Variants in HERC6 observed in about 807,000 individuals in gnomAD.
HERC6 encodes HECT and RLD domain containing E3 ubiquitin protein ligase family member 6, also known as probable E3 ubiquitin-protein ligase HERC6.
HERC6 carries 101 observed loss-of-function variants against 114.5 expected under a neutral mutation model. The ratio of observed to expected loss-of-function variants is 0.88; its 90% CI spans 0.75 to 1.04. HERC6 has a LOEUF of 1.04. HERC6 is among the 50% of genes least tolerant of loss of function. The pLI, the probability that HERC6 is intolerant of heterozygous loss-of-function variation, is 0.00. For missense variants in HERC6, 1,133 were observed against 1,230.9 expected (o/e 0.92, Z 1.19); for synonymous variants, 408 against 436.2 (o/e 0.94, Z 0.81).
chr4:88,435,833 C>T lies in HERC6; in HGVS notation c.2359C>T (p.Leu787Phe). 1 of 1,611,860 alleles carries T rather than the reference C, an allele frequency of 6.2e-7. No individual in the cohort carries two copies. Among genetic ancestry groups the T allele is most frequent in the Non-Finnish European group, 8.5e-7 (1 of 1,178,936 alleles). Residue 787 changes from leucine to phenylalanine, a missense_variant, in exon 18 of 23, where the codon CTT becomes TTT. Coordinates refer to ENST00000264346, the MANE Select transcript of HERC6 (RefSeq NM_017912.4). ...LPFPLALYKK[L>F]LDQKPSLEDL... ...TTTCCCACTGGCTCTGTATAAAAAA[C>T]TTCTGGACCAAAAGCCATCATTGGA... is the stretch of plus-strand genomic sequence containing the variant.
At chr4:88,387,238 A>G (rs1050893330) in intron 3 of HERC6, among the ~76,000 whole-genome samples, 3 of 152,148 alleles carry the variant, frequency 2.0e-5, no homozygotes, top group Non-Finnish European at 4.4e-5. Context: ...CTCTACAAAA[A>G]TTTGAAAAAT....
At position 88,417,053 on chromosome 4, in the gene HERC6, G is replaced by T. The variant is rs572717177; in HGVS notation, c.1559-372G>T. Among the ~76,000 whole-genome samples the T allele has an allele frequency of 5.3e-5, 8 of 152,096 alleles. No homozygotes were observed. In the South Asian group the frequency reaches 1.2e-3, roughly 24 times the overall value. On this transcript the variant is annotated intron_variant, in intron 12 of 22. Transcript: ENST00000264346. Reference sequence around the variant, plus strand: ...TTTTCATTTTTTACAGATTAAAAACGTCCTTGATGCCATTGTATGTGTTTG... The same window carrying T: ...TTTTCATTTTTTACAGATTAAAAACTTCCTTGATGCCATTGTATGTGTTTG...
At chr4:88,404,218 G>GT (rs1337420812) in intron 8 of HERC6, among the ~76,000 whole-genome samples, 3 of 146,888 alleles carry the variant, frequency 2.0e-5, no homozygotes, top group African/African-American at 7.5e-5. Flanking sequence ...TTGAGATGGA[G>GT]TTTCGCTCTT....
chr4:88,418,717 A>AT (rs1031793600), intron 13 of HERC6, among the ~76,000 whole-genome samples: 16 of 151,964 alleles, frequency 1.1e-4, no homozygotes, highest in African/African-American at 2.9e-4. Context: ...CACATGTGTG[A>AT]TTTTTTTGTT....
At chr4:88,429,183 T>G (rs1737940206) in intron 16 of HERC6, among the ~76,000 whole-genome samples, 1 of 152,198 alleles carries the variant, frequency 6.6e-6, no homozygotes, top group South Asian at 2.1e-4. Context: ...CCTATGTCTT[T>G]CATTCTCCTC....
At chr4:88,392,821 C>T (rs1343676326) in intron 4 of HERC6, among the ~76,000 whole-genome samples, 1 of 152,240 alleles carries the variant, frequency 6.6e-6, no homozygotes, top group Non-Finnish European at 1.5e-5. Flanking sequence ...TGAAGACGCT[C>T]TTCTAGCAAT....
At chr4:88,384,049 T>G (rs181923026) in intron 2 of HERC6, among the ~76,000 whole-genome samples, 13 of 152,182 alleles carry the variant, frequency 8.5e-5, no homozygotes, top group African/African-American at 3.1e-4. Flanking sequence ...TGAACTTCCT[T>G]TATCATACTA....
At chr4:88,397,034 G>C (rs1192038665) in intron 7 of HERC6, 47 bp downstream of exon 7, 21 of 1,559,978 alleles carry the variant, frequency 1.3e-5, no homozygotes, top group Non-Finnish European at 1.7e-5. Flanking sequence ...AATGCCACTG[G>C]AAGAGAACTA....
chr4:88,394,096 G>A (rs1735071160), intron 5 of HERC6, among the ~76,000 whole-genome samples: 1 of 152,194 alleles, frequency 6.6e-6, no homozygotes, highest in Admixed American at 6.5e-5. Context: ...AAGAGGAGAT[G>A]TGAACCAAAC....
chr4:88,379,473 G>T (rs1734046509), intron 1 of HERC6, among the ~76,000 whole-genome samples: 1 of 151,422 alleles, frequency 6.6e-6, no homozygotes, highest in Non-Finnish European at 1.5e-5. Flanking sequence ...GGTCAGCGCT[G>T]CTCTGGAAAG....
Position 88,435,901 on chromosome 4 carries a change from T to C in HERC6, c.2417+10T>C. On this transcript the variant is annotated intron_variant, in intron 18 of 22. Transcript: ENST00000264346. ...GTCCTCGGTTGGGGAAGTAAGTAAATATAACGTTTTTTCAGGACCGTATCT... is the reference window on the plus strand; with the variant it reads ...GTCCTCGGTTGGGGAAGTAAGTAAACATAACGTTTTTTCAGGACCGTATCT... 2 of 1,594,326 alleles carry C rather than the reference T, an allele frequency of 1.3e-6. No individual in the cohort carries two copies. Among genetic ancestry groups the C allele is most frequent in the Admixed American group, 1.8e-5 (1 of 55,998 alleles).
chr4:88,420,326 GTTAAAC>G (rs1173841196), intron 13 of HERC6, among the ~76,000 whole-genome samples: 3 of 152,052 alleles, frequency 2.0e-5, no homozygotes, highest in African/African-American at 7.2e-5. Context: ...CAGTGTTATT[GTTAAAC>G]TTAAATATTA....
At chr4:88,428,269 T>C (rs1737830649) in intron 15 of HERC6, among the ~76,000 whole-genome samples, 1 of 152,222 alleles carries the variant, frequency 6.6e-6, no homozygotes, top group Non-Finnish European at 1.5e-5. Flanking sequence ...AATACCAGTA[T>C]GGCCTTTAAG....
chr4:88,437,085 C>A (rs1738835916), intron 19 of HERC6, 114 bp downstream of exon 19: 1 of 677,420 alleles, frequency 1.5e-6, no homozygotes, highest in Non-Finnish European at 2.4e-6. Context: ...GAGGCAGAGT[C>A]TCACTCTGTC....
At chr4:88,406,445 CT>C (rs1735819022) in intron 10 of HERC6, among the ~76,000 whole-genome samples, 1 of 152,206 alleles carries the variant, frequency 6.6e-6, no homozygotes, top group African/African-American at 2.4e-5. Flanking sequence ...CTTAACCCAG[CT>C]GCATTCTCAG....
intron 11 of HERC6, among the ~76,000 whole-genome samples, chr4:88,410,702 G>A (rs997261770): frequency 1.3e-5 from 2 of 152,136 alleles, no homozygotes; most frequent in African/African-American, 2.4e-5. Context: ...AGTTTTGTAC[G>A]CTTGCATGTG....
chr4:88,438,892 G>A (rs572739195), intron 20 of HERC6, among the ~76,000 whole-genome samples: 1 of 152,314 alleles, frequency 6.6e-6, no homozygotes, highest in South Asian at 2.1e-4. Flanking sequence ...AGATAGGCTA[G>A]TCCACAAAGG....
chr4:88,417,860 G>A (rs1228410783), intron 13 of HERC6, among the ~76,000 whole-genome samples: 3 of 151,950 alleles, frequency 2.0e-5, no homozygotes, highest in Admixed American at 2.0e-4. Flanking sequence ...GTGGGAGGAT[G>A]GCTTGAGCCC....
At chr4:88,438,769 G>A (rs1022493875) in intron 20 of HERC6, among the ~76,000 whole-genome samples, 8 of 152,066 alleles carry the variant, frequency 5.3e-5, no homozygotes, top group African/African-American at 1.2e-4. Flanking sequence ...ACAGAAATTC[G>A]CCAATGCTGC....
Sources: allele counts gnomAD v4.1 joint callset (sites outside exome capture counted in the v4.1 genomes callset), GRCh38; gene constraint gnomAD v4.1.1; transcripts MANE v1.5; gene names NCBI Gene and HGNC (gene_info 2026-07-23, HGNC 2026-07-21).